Variants in PICALM observed in about 807,000 individuals in gnomAD.
The protein encoded by PICALM is phosphatidylinositol binding clathrin assembly protein.
PICALM carries 40 observed loss-of-function variants against 80.5 expected under a neutral mutation model. That is an observed-to-expected ratio of 0.50 (90% CI 0.39 to 0.65). The LOEUF is 0.65. Ranked by LOEUF, PICALM falls within the 30% of genes least tolerant of loss-of-function variation. PICALM has a pLI of 0.00. For synonymous variants in PICALM, 288 were observed against 260.3 expected (o/e 1.11, Z -1.02); for missense variants, 676 against 778.9 (o/e 0.87, Z 1.57).
intron 4 of PICALM, among the ~76,000 whole-genome samples, chr11:86,021,708 A>C (rs2095566696): frequency 6.6e-6 from 1 of 152,230 alleles, no homozygotes; most frequent in African/African-American, 2.4e-5. Flanking sequence ...AGAATTAAAA[A>C]GATAATCCAC....
In PICALM at chr11:86,000,812, A is replaced by C. The variant is rs1350060402; in HGVS notation, c.1018-33T>G. 3 of 1,596,336 alleles carry C rather than the reference A, an allele frequency of 1.9e-6. No homozygotes were observed. In the South Asian group the frequency reaches 3.4e-5, roughly 18 times the overall value. ...GAAAGGGAACTACCATAAGGATTCC[A>C]GAAACCAGATTTCTTTGTACAGCCT... On this transcript the variant is annotated intron_variant, in intron 10 of 19. Transcript: ENST00000393346.
intron 19 of PICALM, among the ~76,000 whole-genome samples, chr11:85,973,088 ATACT>A (rs2094161318): frequency 6.6e-6 from 1 of 152,226 alleles, no homozygotes; most frequent in Non-Finnish European, 1.5e-5. Flanking sequence ...TTCACTGTAA[ATACT>A]TAACTGATTA....
At chr11:86,037,475 G>A (rs1414080271) in intron 1 of PICALM, among the ~76,000 whole-genome samples, 2 of 150,948 alleles carry the variant, frequency 1.3e-5, no homozygotes, top group Non-Finnish European at 2.9e-5. Flanking sequence ...GGCCAGGCTG[G>A]TCTTGAACTC....
chr11:86,045,722 A>G (rs768704409), intron 1 of PICALM, among the ~76,000 whole-genome samples: 7 of 152,100 alleles, frequency 4.6e-5, no homozygotes, highest in Non-Finnish European at 1.0e-4. Context: ...TGGATATATG[A>G]AGAGTCTCCT....
At chr11:85,981,524 G>A (rs1252413413) in intron 16 of PICALM, among the ~76,000 whole-genome samples, 4 of 151,834 alleles carry the variant, frequency 2.6e-5, no homozygotes, top group South Asian at 2.1e-4. Context: ...GAAGAACGGC[G>A]TGAATCCGGG....
chr11:86,001,040 A>G lies in PICALM; in HGVS notation c.1012T>C (p.Leu338=). ...AGGAGAATGCACAAACTTACCTTTAAAGCTTTCAAACGTGCCTGTTCTTCC... is the reference window on the plus strand; with the variant it reads ...AGGAGAATGCACAAACTTACCTTTAGAGCTTTCAAACGTGCCTGTTCTTCC... ...LEEEQARLKA[L]KEQRLKELAK... Residue 338 remains leucine, a synonymous_variant, in exon 10 of 20, where the codon TTA becomes CTA. Coordinates refer to ENST00000393346, the MANE Select transcript of PICALM (RefSeq NM_007166.4). The G allele has an allele frequency of 6.2e-7, 1 of 1,614,046 alleles. No individual in the cohort carries two copies. Among genetic ancestry groups the G allele is most frequent in the Non-Finnish European group, 8.5e-7 (1 of 1,179,942 alleles).
chr11:86,058,834 CA>C (rs1426239649), intron 1 of PICALM, among the ~76,000 whole-genome samples: 3 of 152,120 alleles, frequency 2.0e-5, no homozygotes, highest in African/African-American at 7.2e-5. Context: ...TAGAGTTGTG[CA>C]AGGAAGCAGC....
intron 5 of PICALM, among the ~76,000 whole-genome samples, chr11:86,014,477 A>G (rs1284144703): frequency 6.6e-6 from 1 of 152,230 alleles, no homozygotes; most frequent in Non-Finnish European, 1.5e-5. Context: ...TGCTATTTAA[A>G]CTTCTTCTTC....
intron 1 of PICALM, among the ~76,000 whole-genome samples, chr11:86,059,765 T>G (rs752899346): frequency 1.6e-4 from 24 of 151,936 alleles, no homozygotes; most frequent in Non-Finnish European, 3.4e-4. Context: ...CTGTCTTTAG[T>G]CCAAGGAATC....
At chr11:85,989,013 C>A (rs1048797128) in intron 13 of PICALM, among the ~76,000 whole-genome samples, 1 of 152,200 alleles carries the variant, frequency 6.6e-6, no homozygotes, top group African/African-American at 2.4e-5. Flanking sequence ...GACCACGACT[C>A]TCCTTTATGT....
At chr11:86,056,623 CA>C (rs911897121) in intron 1 of PICALM, among the ~76,000 whole-genome samples, 1 of 152,046 alleles carries the variant, frequency 6.6e-6, no homozygotes, top group Non-Finnish European at 1.5e-5. Context: ...GGTAGTTCCT[CA>C]AAAAGTTACA....
intron 2 of PICALM, among the ~76,000 whole-genome samples, chr11:86,030,229 A>C (rs950046074): frequency 6.6e-5 from 10 of 152,198 alleles, no homozygotes; most frequent in Non-Finnish European, 1.5e-5. Flanking sequence ...TTTGGACAAG[A>C]ACTAGAGGGA....
At chr11:86,025,332 G>A (rs12808312) in intron 3 of PICALM, among the ~76,000 whole-genome samples, 75,157 of 151,478 alleles carry the variant, frequency 0.5, 19,042 homozygotes, top group East Asian at 0.6. Flanking sequence ...CCCGGGAGGC[G>A]GAGGTTGCAG....
At chr11:85,985,472 A>G (rs2094548356) in intron 13 of PICALM, among the ~76,000 whole-genome samples, 1 of 152,176 alleles carries the variant, frequency 6.6e-6, no homozygotes, top group East Asian at 1.9e-4. Flanking sequence ...CGTAACCCTT[A>G]AACTACTATT....
intron 13 of PICALM, among the ~76,000 whole-genome samples, chr11:85,989,736 C>T (rs1051608106): frequency 2.0e-5 from 3 of 151,766 alleles, no homozygotes; most frequent in African/African-American, 7.3e-5. Flanking sequence ...AAAGTGAAAT[C>T]CTTCAGAATG....
At chr11:86,049,367 T>C (rs2096136970) in intron 1 of PICALM, among the ~76,000 whole-genome samples, 1 of 152,176 alleles carries the variant, frequency 6.6e-6, no homozygotes, top group East Asian at 1.9e-4. Flanking sequence ...GTTAACTTAT[T>C]TTATCTTTGA....
chr11:86,043,221 T>C (rs1565529001), intron 1 of PICALM, among the ~76,000 whole-genome samples: 5 of 152,250 alleles, frequency 3.3e-5, no homozygotes. Flanking sequence ...TTTCCTTTTA[T>C]GAGTGCTATA....
At chr11:85,981,648 T>A in intron 16 of PICALM, 97 bp downstream of exon 16, 3 of 843,084 alleles carry the variant, frequency 3.6e-6, no homozygotes, top group Non-Finnish European at 3.9e-6. Flanking sequence ...TCTCTACACA[T>A]ATTTTTGAGA....
At chr11:86,037,130 G>A (rs1285669590) in intron 1 of PICALM, among the ~76,000 whole-genome samples, 1 of 150,586 alleles carries the variant, frequency 6.6e-6, no homozygotes, top group East Asian at 1.9e-4. Flanking sequence ...ATTTTTAGTA[G>A]AGACAGGGTT....
Sources: allele counts gnomAD v4.1 joint callset (sites outside exome capture counted in the v4.1 genomes callset), GRCh38; gene constraint gnomAD v4.1.1; transcripts MANE v1.5; gene names NCBI Gene and HGNC (gene_info 2026-07-23, HGNC 2026-07-21).